LCORL: variants seen among roughly 807,000 people sequenced by gnomAD.
The protein encoded by LCORL is ligand dependent nuclear receptor corepressor like, also known as ligand-dependent nuclear receptor corepressor-like protein.
In LCORL, 41 loss-of-function variants were observed where a neutral mutation model predicts 141.8. That is an observed-to-expected ratio of 0.29 (90% CI 0.23 to 0.38). The LOEUF is 0.38. Among genes scored for constraint, LCORL ranks in the 10% least tolerant of loss-of-function variants. The probability of loss-of-function intolerance (pLI) is 1.00; values close to 1 mark genes in which losing one functional copy is unlikely to be tolerated. For missense variants in LCORL, 1,759 were observed against 2,035.0 expected (o/e 0.86, Z 2.61); for synonymous variants, 618 against 694.1 (o/e 0.89, Z 1.72).
At chr4:17,866,112 T>C (rs748461831) in intron 7 of LCORL, among the ~76,000 whole-genome samples, 1 of 152,172 alleles carries the variant, frequency 6.6e-6, no homozygotes, top group Non-Finnish European at 1.5e-5. Flanking sequence ...CTTTCTTGAC[T>C]AGACACACTG....
intron 4 of LCORL, among the ~76,000 whole-genome samples, chr4:17,942,082 G>A (rs946756277): frequency 1.4e-4 from 22 of 152,118 alleles, no homozygotes; most frequent in African/African-American, 5.3e-4. Context: ...CTCAAGAAAT[G>A]TCAAAACCTT....
chr4:17,994,933 T>C (rs1246876634), intron 1 of LCORL, among the ~76,000 whole-genome samples: 1 of 139,464 alleles, frequency 7.2e-6, no homozygotes, highest in African/African-American at 3.1e-5. Context: ...ATTTGTTGTA[T>C]AAATGTTTGA....
intron 5 of LCORL, among the ~76,000 whole-genome samples, chr4:17,901,231 G>A (rs1336171576): frequency 6.6e-6 from 1 of 151,990 alleles, no homozygotes; most frequent in Non-Finnish European, 1.5e-5. Flanking sequence ...ACAAAACAGG[G>A]AGAGAAAGAG....
chr4:17,943,557 T>C (rs181588349), intron 4 of LCORL, among the ~76,000 whole-genome samples: 2 of 152,226 alleles, frequency 1.3e-5, no homozygotes, highest in South Asian at 4.1e-4. Context: ...CTGGCAAGAA[T>C]GAAGACTTAA....
intron 6 of LCORL, chr4:17,882,524 T>G (rs982563353): frequency 2.0e-6 from 2 of 984,632 alleles, no homozygotes; most frequent in South Asian, 4.7e-5. Context: ...AGCTTCTAAC[T>G]ACCCAATTAG....
chr4:18,008,685 A>G (rs1429454557), intron 1 of LCORL, among the ~76,000 whole-genome samples: 1 of 152,206 alleles, frequency 6.6e-6, no homozygotes, highest in Non-Finnish European at 1.5e-5. Flanking sequence ...ATAAAAACTT[A>G]GAATCTGCCT....
intron 2 of LCORL, among the ~76,000 whole-genome samples, chr4:17,963,517 A>T (rs1577564472): frequency 6.6e-6 from 1 of 152,130 alleles, no homozygotes; most frequent in African/African-American, 2.4e-5. Flanking sequence ...CAAGAAAACA[A>T]GTAAAAGTCT....
chr4:18,011,490 T>C (rs533921421), intron 1 of LCORL, among the ~76,000 whole-genome samples: 2 of 152,252 alleles, frequency 1.3e-5, no homozygotes, highest in Admixed American at 1.3e-4. Flanking sequence ...AGCTATAATT[T>C]ATACTTCCAG....
chr4:17,987,724 C>T (rs1248183148), intron 1 of LCORL, among the ~76,000 whole-genome samples: 1 of 152,140 alleles, frequency 6.6e-6, no homozygotes, highest in Non-Finnish European at 1.5e-5. Flanking sequence ...AGTCTCATTT[C>T]CCTAGTGACT....
intron 5 of LCORL, among the ~76,000 whole-genome samples, chr4:17,901,044 T>C (rs944327845): frequency 1.3e-5 from 2 of 152,138 alleles, no homozygotes; most frequent in East Asian, 1.9e-4. Context: ...TGCCGGAATG[T>C]AGACAGAAAT....
At chr4:17,847,481 C>A (rs1257591592) in intron 7 of LCORL, among the ~76,000 whole-genome samples, 1 of 152,162 alleles carries the variant, frequency 6.6e-6, no homozygotes, top group Admixed American at 6.5e-5. Flanking sequence ...CCCAGTCCCA[C>A]AGAATACAGT....
intron 6 of LCORL, chr4:17,882,934 ATTATT>A (rs2109210921): frequency 3.2e-6 from 3 of 924,672 alleles, no homozygotes; most frequent in East Asian, 1.2e-4. Context: ...ACAAAACTAA[ATTATT>A]TTAATAATTA....
intron 4 of LCORL, among the ~76,000 whole-genome samples, chr4:17,950,532 T>C (rs1739551298): frequency 6.6e-6 from 1 of 152,174 alleles, no homozygotes; most frequent in Non-Finnish European, 1.5e-5. Flanking sequence ...AAGATGATAC[T>C]ATTAGCCAAT....
At chr4:17,931,935 T>C (rs1394500900) in intron 4 of LCORL, among the ~76,000 whole-genome samples, 19 of 152,156 alleles carry the variant, frequency 1.2e-4, no homozygotes. Flanking sequence ...TTCTCTGTAG[T>C]TTCTGTTTAG....
intron 5 of LCORL, among the ~76,000 whole-genome samples, chr4:17,894,479 T>C (rs1263337166): frequency 6.6e-6 from 1 of 152,226 alleles, no homozygotes; most frequent in African/African-American, 2.4e-5. Flanking sequence ...TTTAAAAGTA[T>C]TTATAATTGA....
At chr4:17,857,217 G>A (rs949049201) in intron 7 of LCORL, among the ~76,000 whole-genome samples, 9 of 152,014 alleles carry the variant, frequency 5.9e-5, no homozygotes, top group African/African-American at 2.2e-4. Flanking sequence ...AGTTCACGAA[G>A]TCCCAGGTGA....
chr4:17,844,570 TAGAA>T (rs1173364558), exon 8 of LCORL: 1 of 152,446 alleles, frequency 6.6e-6, no homozygotes, highest in Non-Finnish European at 1.5e-5. Context: ...ATGGTAATGA[TAGAA>T]AGTCAGTTAA....
At chr4:18,001,293 AATAG>A (rs34953226) in intron 1 of LCORL, among the ~76,000 whole-genome samples, 30,229 of 152,064 alleles carry the variant, frequency 0.2, 3,705 homozygotes, top group African/African-American at 0.34. Context: ...CATAAGTATT[AATAG>A]ATAGTCAATA....
At chr4:17,975,809 T>C (rs889317618) in intron 1 of LCORL, among the ~76,000 whole-genome samples, 11 of 152,216 alleles carry the variant, frequency 7.2e-5, no homozygotes, top group African/African-American at 2.7e-4. Flanking sequence ...TGGTGAATAT[T>C]CCATGTAACA....
Sources: allele counts gnomAD v4.1 joint callset (sites outside exome capture counted in the v4.1 genomes callset), GRCh38; gene constraint gnomAD v4.1.1; transcripts MANE v1.5; gene names NCBI Gene and HGNC (gene_info 2026-07-23, HGNC 2026-07-21).